Variants in AGPAT5 observed in about 807,000 individuals in gnomAD.
The protein encoded by AGPAT5 is 1-acylglycerol-3-phosphate O-acyltransferase 5, also known as 1-acyl-sn-glycerol-3-phosphate acyltransferase epsilon.
AGPAT5 carries 46 observed loss-of-function variants against 45.6 expected under a neutral mutation model. That is an observed-to-expected ratio of 1.01 (90% CI 0.80 to 1.29). The LOEUF is 1.29. Ranked by LOEUF, AGPAT5 falls within the 50% of genes most tolerant of loss-of-function variation. AGPAT5 has a pLI of 0.00. For synonymous variants in AGPAT5, 272 were observed against 167.0 expected, an observed-to-expected ratio of 1.63 and a Z score of -4.85; for missense variants, 673 against 450.7, an observed-to-expected ratio of 1.49 and a Z score of -4.47.
intron 5 of AGPAT5, among the ~76,000 whole-genome samples, chr8:6,743,167 T>G (rs1202850870): frequency 6.6e-6 from 1 of 152,250 alleles, no homozygotes; most frequent in Non-Finnish European, 1.5e-5. Flanking sequence ...TCCAGCCTCT[T>G]TCTGCTTCAT....
chr8:6,716,569 T>G (rs1652523716), intron 1 of AGPAT5, among the ~76,000 whole-genome samples: 1 of 151,980 alleles, frequency 6.6e-6, no homozygotes, highest in Admixed American at 6.6e-5. Flanking sequence ...GTGCGGAGGC[T>G]CACGCTGGTA....
chr8:6,709,269 C>A, intron 1 of AGPAT5: 1 of 245,802 alleles, frequency 4.1e-6, no homozygotes. Flanking sequence ...GTCTACACTC[C>A]GAAGTGCGCT....
At chr8:6,749,741 C>T (rs574565570) in intron 6 of AGPAT5, among the ~76,000 whole-genome samples, 13 of 152,310 alleles carry the variant, frequency 8.5e-5, no homozygotes, top group African/African-American at 2.9e-4. Flanking sequence ...GTTTATTAAA[C>T]ATAGTTTAAG....
At position 6,728,855 on chromosome 8, in the gene AGPAT5, C is replaced by G. The variant is rs1391993440; in HGVS notation, c.290-1856C>G. On this transcript the variant is annotated intron_variant, in intron 2 of 7. Transcript: ENST00000285518. ...GAAATATGTTTATCAGTTATTATTT[C>G]TTCCATCTAAATTAGAAGGGGCTAG... 2.6e-5 allele frequency among the ~76,000 whole-genome samples: 4 copies of G among 152,170 alleles called. No homozygotes were observed. The East Asian group carries it at 7.7e-4, about 29-fold the overall frequency.
chr8:6,714,772 A>G (rs192495234), intron 1 of AGPAT5, among the ~76,000 whole-genome samples: 1 of 152,314 alleles, frequency 6.6e-6, no homozygotes, highest in African/African-American at 2.4e-5. Flanking sequence ...GTACAGTAGC[A>G]CGAAATATAC....
At chr8:6,741,053 G>C (rs1006425217) in intron 4 of AGPAT5, among the ~76,000 whole-genome samples, 2 of 152,004 alleles carry the variant, frequency 1.3e-5, no homozygotes, top group African/African-American at 4.8e-5. Flanking sequence ...CTTATTAAAC[G>C]TCCAGCTTGA....
intron 1 of AGPAT5, among the ~76,000 whole-genome samples, chr8:6,715,666 GA>G (rs1403647422): frequency 6.6e-6 from 1 of 152,156 alleles, no homozygotes; most frequent in Non-Finnish European, 1.5e-5. Context: ...TATATTGGTT[GA>G]AATGAGACCC....
intron 1 of AGPAT5, among the ~76,000 whole-genome samples, chr8:6,723,618 C>G (rs1800582242): frequency 2.0e-5 from 3 of 152,214 alleles, no homozygotes; most frequent in Admixed American, 2.0e-4. Flanking sequence ...CACGATGTCA[C>G]TTTTAACTCT....
At chr8:6,733,791 C>T (rs1031044763) in intron 4 of AGPAT5, among the ~76,000 whole-genome samples, 2 of 152,238 alleles carry the variant, frequency 1.3e-5, no homozygotes, top group Non-Finnish European at 2.9e-5. Flanking sequence ...GTCACCCCAG[C>T]AATGGATGAC....
intron 5 of AGPAT5, among the ~76,000 whole-genome samples, chr8:6,743,084 C>G (rs1417829261): frequency 6.6e-6 from 1 of 152,196 alleles, no homozygotes; most frequent in African/African-American, 2.4e-5. Flanking sequence ...ATTTGAAATT[C>G]TCTCCCTAGA....
intron 1 of AGPAT5, among the ~76,000 whole-genome samples, chr8:6,712,652 G>T (rs1451672639): frequency 6.6e-6 from 1 of 152,154 alleles, no homozygotes; most frequent in Admixed American, 6.5e-5. Flanking sequence ...TAGGACTCAT[G>T]AAAAAGGAAT....
At chr8:6,711,303 A>G (rs971514900) in intron 1 of AGPAT5, among the ~76,000 whole-genome samples, 3 of 152,194 alleles carry the variant, frequency 2.0e-5, no homozygotes, top group Non-Finnish European at 4.4e-5. Flanking sequence ...CTGGGTAAAT[A>G]CCTTTTTCTT....
chr8:6,732,881 G>A (rs1287382526), intron 4 of AGPAT5, among the ~76,000 whole-genome samples: 1 of 152,100 alleles, frequency 6.6e-6, no homozygotes, highest in East Asian at 1.9e-4. Flanking sequence ...ACCTTAAAGA[G>A]GAATAAAAAG....
chr8:6,714,915 G>C (rs753905314), intron 1 of AGPAT5, among the ~76,000 whole-genome samples: 4 of 152,172 alleles, frequency 2.6e-5, no homozygotes, highest in Admixed American at 6.5e-5. Flanking sequence ...TTCTCAAGTG[G>C]AATCAGAAGT....
At chr8:6,727,386 G>A (rs1800723345) in intron 2 of AGPAT5, among the ~76,000 whole-genome samples, 1 of 150,016 alleles carries the variant, frequency 6.7e-6, no homozygotes. Context: ...ACAACACTTT[G>A]CCTTTTTTTT....
intron 6 of AGPAT5, among the ~76,000 whole-genome samples, chr8:6,751,842 A>G (rs1381909103): frequency 3.9e-5 from 6 of 152,142 alleles, no homozygotes; most frequent in Admixed American, 6.5e-5. Context: ...GTATTTTCAT[A>G]TTACAACATA....
intron 4 of AGPAT5, among the ~76,000 whole-genome samples, chr8:6,733,208 C>G (rs1191688929): frequency 1.1e-4 from 17 of 152,192 alleles, no homozygotes; most frequent in Admixed American, 1.1e-3. Context: ...CCCCTGGTTC[C>G]CTCCGGAGAC....
At chr8:6,736,101 C>T (rs547135965) in intron 4 of AGPAT5, among the ~76,000 whole-genome samples, 2 of 152,288 alleles carry the variant, frequency 1.3e-5, no homozygotes, top group East Asian at 3.9e-4. Flanking sequence ...ATCCGCCCGC[C>T]TCGGCCCCCC....
At chr8:6,721,621 T>A (rs1234756626) in intron 1 of AGPAT5, among the ~76,000 whole-genome samples, 1 of 152,206 alleles carries the variant, frequency 6.6e-6, no homozygotes, top group Non-Finnish European at 1.5e-5. Context: ...GTTCTCATCG[T>A]AAAATGACAG....
Sources: allele counts gnomAD v4.1 joint callset (sites outside exome capture counted in the v4.1 genomes callset), GRCh38; gene constraint gnomAD v4.1.1; transcripts MANE v1.5; gene names NCBI Gene and HGNC (gene_info 2026-07-23, HGNC 2026-07-21).